PSORS1C1: variants seen among roughly 807,000 people sequenced by gnomAD.
PSORS1C1 encodes psoriasis susceptibility 1 candidate 1, also known as psoriasis susceptibility 1 candidate gene 1 protein.
In PSORS1C1, 7 loss-of-function variants were observed where a neutral mutation model predicts 9.4. The observed-to-expected ratio is 0.75, with a 90% CI of 0.42 to 1.40. PSORS1C1 has a LOEUF of 1.40. Ranked by LOEUF, PSORS1C1 falls within the 40% of genes most tolerant of loss-of-function variation. The pLI, the probability that PSORS1C1 is intolerant of heterozygous loss-of-function variation, is 0.01. For missense variants in PSORS1C1, 146 were observed against 178.1 expected (o/e 0.82, Z 1.02); for synonymous variants, 63 against 69.4 (o/e 0.91, Z 0.46).
chr6:31,138,590 G>A, intron 4 of PSORS1C1, 66 bp from the exon 5 acceptor site: 1 of 1,610,938 alleles, frequency 6.2e-7, no homozygotes, highest in Non-Finnish European at 8.5e-7. Context: ...CCCTGGTTGG[G>A]GTACCCCACT....
At chr6:31,116,553 G>T (rs1772138374) in intron 1 of PSORS1C1, 1 of 1,613,988 alleles carries the variant, frequency 6.2e-7, no homozygotes, top group East Asian at 2.2e-5. Flanking sequence ...GGATGATGGG[G>T]TTGCTGGAGA....
At position 31,134,527 on chromosome 6, in the gene PSORS1C1, G is replaced by C. The variant is rs182349224; in HGVS notation, c.14-3903G>C. The stretch of plus-strand genomic sequence containing the variant: ...TCACCATGTTAGCCAGGATGGTCTC[G>C]ATCTCCTGACCTCGTGATTCGCCCG... On this transcript the variant is annotated intron_variant, in intron 3 of 5. Transcript: ENST00000259881. Among the ~76,000 whole-genome samples the C allele has an allele frequency of 7.6e-3, 1,161 of 151,958 alleles. 13 individuals are homozygous for C. Among genetic ancestry groups the C allele is most frequent in the Non-Finnish European group, 0.012 (794 of 67,964 alleles).
chr6:31,114,929 TGGGGA>T lies in PSORS1C1; in HGVS notation c.-229+57_-229+61del, dbSNP rs373334458. The T allele has an allele frequency of 1.3e-3, 248 of 188,038 alleles. 5 individuals carry two copies. Among genetic ancestry groups the T allele is most frequent in the South Asian group, 6.8e-3 (189 of 27,726 alleles). The allele number at this position is 188,038 out of a possible 1,614,324, so 11.6% of individuals were successfully genotyped here. On this transcript the variant is annotated intron_variant, in intron 1 of 5. Coordinates refer to ENST00000259881, the MANE Select transcript of PSORS1C1 (RefSeq NM_014068.3). Reference sequence around the variant, plus strand: ...AATGGTGGAAGAAAAGGAGTTTGGGTGGGGAGGGGAGGGGAGGGGAGGGAGAGGAA... The same window carrying T: ...AATGGTGGAAGAAAAGGAGTTTGGGTGGGGAGGGGAGGGGAGGGAGAGGAA...
chr6:31,117,068 A>C, intron 1 of PSORS1C1: 8 of 1,614,198 alleles, frequency 5.0e-6, no homozygotes, highest in Non-Finnish European at 6.8e-6. Flanking sequence ...ATTCCGCGGT[A>C]AGAGTTGTCA....
rs1265125292 is a variant in PSORS1C1 at position 31,116,152 on chromosome 6, G to C, written c.-229+1261G>C. The C allele has an allele frequency of 3.7e-6, 6 of 1,611,170 alleles. No homozygotes were observed. The African/African-American group carries it at 8.0e-5, about 22-fold the overall frequency. On this transcript the variant is annotated intron_variant, in intron 1 of 5. Transcript: ENST00000259881. The stretch of plus-strand genomic sequence containing the variant: ...GCAGGGGATCTTTCCAGCACTGCTG[G>C]AGCCACAGGGCTTGGCACCAGCGGA...
chr6:31,116,921 T>G, intron 1 of PSORS1C1: 5 of 1,614,104 alleles, frequency 3.1e-6, no homozygotes, highest in Non-Finnish European at 4.2e-6. Context: ...TGCGAGACGA[T>G]GGGCCCTCCA....
chr6:31,132,848 T>TAA (rs9281221), intron 3 of PSORS1C1, among the ~76,000 whole-genome samples: 19,030 of 140,192 alleles, frequency 0.14, 1,621 homozygotes, highest in Non-Finnish European at 0.21. Flanking sequence ...GACCCTGTCT[T>TAA]AAAAAAAAAA....
chr6:31,124,581 G>C (rs1315416281), intron 1 of PSORS1C1, among the ~76,000 whole-genome samples: 1 of 152,228 alleles, frequency 6.6e-6, no homozygotes, highest in African/African-American at 2.4e-5. Context: ...ATGAATGGCA[G>C]AGGTTCATGG....
chr6:31,130,223 AC>A (rs1013238499), intron 3 of PSORS1C1, among the ~76,000 whole-genome samples: 1 of 150,792 alleles, frequency 6.6e-6, no homozygotes, highest in Non-Finnish European at 1.5e-5. Context: ...GCCACAGTAT[AC>A]CCAGAGATGT....
At chr6:31,137,862 A>C (rs1424111913) in intron 3 of PSORS1C1, 2 of 592,382 alleles carry the variant, frequency 3.4e-6, no homozygotes, top group Non-Finnish European at 5.6e-6. Context: ...GAGACAGGCT[A>C]AATTGGGAAG....
chr6:31,138,306 C>T, intron 3 of PSORS1C1, 124 bp from the exon 4 acceptor site: 2 of 1,598,448 alleles, frequency 1.3e-6, no homozygotes, highest in Non-Finnish European at 1.7e-6. Flanking sequence ...GCCTGAGATG[C>T]CTGTAAAGGA....
intron 1 of PSORS1C1, among the ~76,000 whole-genome samples, chr6:31,120,098 T>C (rs556283370): frequency 1.3e-5 from 2 of 152,170 alleles, no homozygotes; most frequent in African/African-American, 4.8e-5. Context: ...ACATATCACA[T>C]ACATTATTTA....
At position 31,134,556 on chromosome 6, in the gene PSORS1C1, T is replaced by C. The variant is rs144272236; in HGVS notation, c.14-3874T>C. Among the ~76,000 whole-genome samples the C allele has an allele frequency of 2.1e-3, 325 of 151,702 alleles. 2 individuals carry two copies. Among genetic ancestry groups the C allele is most frequent in the East Asian group, 0.015 (78 of 5,094 alleles). ...TCCTGACCTCGTGATTCGCCCGCCT[T>C]GGCCTCCCGAAGTGCTGGGATTACA... is the stretch of plus-strand genomic sequence containing the variant. On this transcript the variant is annotated intron_variant, in intron 3 of 5. Coordinates refer to ENST00000259881, the MANE Select transcript of PSORS1C1 (RefSeq NM_014068.3).
intron 1 of PSORS1C1, chr6:31,117,475 C>A (rs370680006): frequency 1.3e-6 from 2 of 1,553,032 alleles, no homozygotes; most frequent in Non-Finnish European, 1.7e-6. Flanking sequence ...GGAGGTGATA[C>A]GCGTGGGGTC....
At chr6:31,129,445 C>A in intron 2 of PSORS1C1, 124 bp from the exon 3 acceptor site, 2 of 622,770 alleles carry the variant, frequency 3.2e-6, no homozygotes, top group Non-Finnish European at 5.8e-6. Context: ...ACTCAGTCTC[C>A]TCCCCAGCTA....
chr6:31,122,822 C>T (rs3095313), intron 1 of PSORS1C1, among the ~76,000 whole-genome samples: 62,107 of 151,934 alleles, frequency 0.41, 13,535 homozygotes, highest in African/African-American at 0.57. Context: ...TCATTTCCTC[C>T]TGTGGGCCTC....
chr6:31,133,198 G>GC lies in PSORS1C1; in HGVS notation c.13+3557dup, dbSNP rs568391681. Among the ~76,000 whole-genome samples, 7 of 152,214 alleles carry GC rather than the reference G, an allele frequency of 4.6e-5. No homozygotes were observed. In the South Asian group the frequency reaches 1.5e-3, roughly 32 times the overall value. On this transcript the variant is annotated intron_variant, in intron 3 of 5. Transcript: ENST00000259881. ...AAGAAATGCGTAGAACACAGTCCCT[G>GC]CCCCACAAGGTTCATGGCCTGGGAA...
chr6:31,137,605 G>A (rs1773207186), intron 3 of PSORS1C1: 1 of 317,836 alleles, frequency 3.1e-6, no homozygotes, highest in African/African-American at 2.1e-5. Flanking sequence ...CCTGCCGCCG[G>A]CCACCAGGTG....
chr6:31,138,168 G>A (rs148915508), intron 3 of PSORS1C1: 11 of 1,593,010 alleles, frequency 6.9e-6, no homozygotes, highest in Non-Finnish European at 9.4e-6. Flanking sequence ...GCGGGTAGGC[G>A]GAGGATCTTC....
Sources: allele counts gnomAD v4.1 joint callset (sites outside exome capture counted in the v4.1 genomes callset), GRCh38; gene constraint gnomAD v4.1.1; transcripts MANE v1.5; gene names NCBI Gene and HGNC (gene_info 2026-07-23, HGNC 2026-07-21).